The following RAI1 variants were observed in gnomAD, a reference collection of about 807,000 sequenced individuals.
The protein encoded by RAI1 is retinoic acid-induced protein 1.
RAI1 carries 9 observed loss-of-function variants against 123.8 expected under a neutral mutation model. That is an observed-to-expected ratio of 0.07 (90% confidence interval 0.04 to 0.13). The LOEUF (loss-of-function observed/expected upper bound fraction) is 0.13, where lower values mean the gene tolerates loss of function less well. RAI1 is among the 10% of genes least tolerant of loss of function. The pLI, the probability that RAI1 is intolerant of heterozygous loss-of-function variation, is 1.00. For synonymous variants in RAI1, 1,231 were observed against 1,127.3 expected, an observed-to-expected ratio of 1.09 and a Z score of -1.84; for missense variants, 2,256 against 2,545.8, an observed-to-expected ratio of 0.89 and a Z score of 2.45.
chr17:17,778,989 C>T (rs1453612771), intron 2 of RAI1: 1 of 432,962 alleles, frequency 2.3e-6, no homozygotes, highest in East Asian at 7.1e-5. Context: ...TCTGTTCACT[C>T]TGGGAGAAAA....
At chr17:17,744,530 C>T (rs1054074827) in intron 2 of RAI1, among the ~76,000 whole-genome samples, 2 of 152,072 alleles carry the variant, frequency 1.3e-5, no homozygotes, top group Non-Finnish European at 2.9e-5. Flanking sequence ...GGGTGGCTCA[C>T]GCCTGTAATT....
At chr17:17,722,291 G>T (rs1411949784) in intron 1 of RAI1, among the ~76,000 whole-genome samples, 6 of 152,218 alleles carry the variant, frequency 3.9e-5, no homozygotes, top group African/African-American at 1.4e-4. Flanking sequence ...ATGAATGCAT[G>T]CGTGGGCGGT....
chr17:17,769,725 A>G (rs2031075260), intron 2 of RAI1, among the ~76,000 whole-genome samples: 1 of 152,188 alleles, frequency 6.6e-6, no homozygotes. Flanking sequence ...GAGGCCTTAC[A>G]GAAGGACTGG....
chr17:17,736,268 G>C (rs1162903043), intron 2 of RAI1, among the ~76,000 whole-genome samples: 1 of 152,110 alleles, frequency 6.6e-6, no homozygotes, highest in Non-Finnish European at 1.5e-5. Context: ...CCCACCCCAG[G>C]CTCCTCTCAT....
In RAI1 at chr17:17,793,145, C is replaced by T. The variant is rs1418405708; in HGVS notation, c.197C>T (p.Pro66Leu). ...YPSYEGGAGT[P>L]SGTAAAVAAD... The stretch of plus-strand genomic sequence containing the variant: ...AGCTATGAGGGTGGCGCTGGCACGC[C>T]CTCTGGCACTGCAGCCGCGGTGGCC... Residue 66 changes from proline to leucine, a missense_variant, in exon 3 of 6, where the codon CCC (proline) becomes CTC (leucine). This residue lies in a region of RAI1 where 336 missense variants were observed against 349.8 expected (regional missense o/e 0.96). Transcript: ENST00000353383. 6.2e-7 allele frequency: 1 copy of T among 1,613,712 alleles called. No individual in the cohort carries two copies. The highest frequency in any genetic ancestry group is 1.6e-4 in the Middle Eastern group (1 of 6,062).
At chr17:17,756,573 C>A (rs900455858) in intron 2 of RAI1, among the ~76,000 whole-genome samples, 1 of 152,114 alleles carries the variant, frequency 6.6e-6, no homozygotes, top group African/African-American at 2.4e-5. Context: ...TCACCTTTAC[C>A]TCCCTTACGT....
At chr17:17,686,608 T>TGC (rs1555552150) in intron 1 of RAI1, among the ~76,000 whole-genome samples, 37 of 137,852 alleles carry the variant, frequency 2.7e-4, no homozygotes, top group African/African-American at 3.6e-4. Flanking sequence ...TGTGTGTGTG[T>TGC]GCACGCGCGC....
intron 1 of RAI1, among the ~76,000 whole-genome samples, chr17:17,702,292 A>C (rs1190825535): frequency 6.6e-6 from 1 of 152,208 alleles, no homozygotes; most frequent in Non-Finnish European, 1.5e-5. Flanking sequence ...CCCTATTGCC[A>C]AGAGGACCAA....
At chr17:17,804,071 G>T in intron 4 of RAI1, 1 of 644,912 alleles carries the variant, frequency 1.6e-6, no homozygotes, top group East Asian at 2.9e-5. Flanking sequence ...CTTGAGGAGT[G>T]CCCAGAGCAG....
intron 1 of RAI1, chr17:17,684,233 A>G (rs1914543645): frequency 6.6e-6 from 1 of 152,170 alleles, no homozygotes. Flanking sequence ...CCCGTGACCT[A>G]TAGTAAGAAA....
At position 17,797,629 on chromosome 17, in the gene RAI1, C is replaced by A. The variant is rs750728463; in HGVS notation, c.4681C>A (p.Arg1561=). 4.3e-6 allele frequency: 7 copies of A among 1,613,810 alleles called. No individual in the cohort carries two copies. The Admixed American group carries it at 6.7e-5, about 15-fold the overall frequency. The stretch of plus-strand genomic sequence containing the variant: ...CTGTAAGGGGCGTGCCAAGCGACGA[C>A]GACAGCAGCAGGTGCTGCCCCTGGA... ...SPCKGRAKRR[R]QQQVLPLDPA... is the part of the protein sequence containing the mutation. Residue 1561 remains arginine, a synonymous_variant, in exon 3 of 6, where the codon CGA becomes AGA. Transcript: ENST00000353383.
At chr17:17,759,520 C>T (rs2030595086) in intron 2 of RAI1, 1 of 147,020 alleles carries the variant, frequency 6.8e-6, no homozygotes, top group Admixed American at 6.7e-5. Flanking sequence ...GGCCCAGTTG[C>T]TCCAGAACCA....
intron 2 of RAI1, among the ~76,000 whole-genome samples, chr17:17,744,401 C>T (rs1916743288): frequency 1.3e-5 from 2 of 152,184 alleles, no homozygotes; most frequent in South Asian, 4.1e-4. Flanking sequence ...AGAACTGGTT[C>T]ACAGAAATAG....
intron 3 of RAI1, 33 bp downstream of exon 3, chr17:17,798,546 T>G: frequency 6.3e-7 from 1 of 1,596,752 alleles, no homozygotes; most frequent in Non-Finnish European, 8.5e-7. Flanking sequence ...GTGGGGAGTG[T>G]GGGGTTCCAA....
intron 1 of RAI1, among the ~76,000 whole-genome samples, chr17:17,719,274 G>T (rs1567846050): frequency 6.6e-6 from 1 of 152,212 alleles, no homozygotes; most frequent in African/African-American, 2.4e-5. Flanking sequence ...AATGGTGTGT[G>T]TGCAAGCCCC....
In RAI1 at chr17:17,809,858, C is replaced by T; in HGVS notation, c.5710-112C>T. On this transcript the variant is annotated intron_variant, in intron 5 of 5. Transcript: ENST00000353383. This position sits in a 1 kb window ranked among gnomAD's most constrained non-coding sequence, Gnocchi z 4.9. ...GCCTCGGGCGGAGACCCCAGCCGCG[C>T]TCTGGGGTCGCCTGGGTCTGGGGCT... The T allele has an allele frequency of 6.8e-7, 1 of 1,469,652 alleles. No homozygotes were observed. The highest frequency in any genetic ancestry group is 9.3e-7 in the Non-Finnish European group (1 of 1,078,386). 91.0% of individuals were successfully genotyped at this position (1,469,652 alleles called of 1,614,324 possible). A position where few individuals can be genotyped will look rare whatever the true frequency, so the allele number is the denominator to read the frequency against.
At chr17:17,712,148 C>G (rs1223599626) in intron 1 of RAI1, among the ~76,000 whole-genome samples, 1 of 152,232 alleles carries the variant, frequency 6.6e-6, no homozygotes, top group Non-Finnish European at 1.5e-5. Flanking sequence ...TTTTACATTC[C>G]TTATTTTATT....
intron 2 of RAI1, among the ~76,000 whole-genome samples, chr17:17,768,603 C>T (rs1006281793): frequency 2.0e-5 from 3 of 152,232 alleles, no homozygotes; most frequent in Admixed American, 1.3e-4. Flanking sequence ...GTCAGGGCGA[C>T]GGTGTGTCTG....
At chr17:17,771,770 T>C (rs2031168536) in intron 2 of RAI1, among the ~76,000 whole-genome samples, 2 of 152,262 alleles carry the variant, frequency 1.3e-5, no homozygotes, top group African/African-American at 2.4e-5. Flanking sequence ...TCTCGCTCCC[T>C]TCCAAGCCCC....
Sources: gnomAD v4.1 joint callset for allele counts (sites outside exome capture counted in the v4.1 genomes callset) on GRCh38, gnomAD v4.1.1 for gene constraint, gnomAD v4.1.1 regional missense constraint, Gnocchi (gnomAD v3.1) non-coding constraint, MANE v1.5 for transcripts, NCBI Gene and HGNC (gene_info 2026-07-23, HGNC 2026-07-21) for gene names.